HMCN2: variants seen among roughly 807,000 people sequenced by gnomAD.
HMCN2 encodes hemicentin-2.
In HMCN2, 325 loss-of-function variants were observed where a neutral mutation model predicts 377.5. The ratio of observed to expected loss-of-function variants is 0.86; its 90% CI spans 0.79 to 0.94. HMCN2 has a LOEUF of 0.94. Ranked by LOEUF, HMCN2 falls within the 40% of genes least tolerant of loss-of-function variation. The pLI is 0.00. For synonymous variants in HMCN2, 2,007 were observed against 2,046.8 expected (o/e 0.98, Z 0.53); for missense variants, 4,543 against 4,725.3 (o/e 0.96, Z 1.13).
chr9:130,329,595 A>G (rs1480964787), intron 22 of HMCN2, among the ~76,000 whole-genome samples: 1 of 152,088 alleles, frequency 6.6e-6, no homozygotes. Context: ...GGCACCTGCC[A>G]TCATGCCCAG....
chr9:130,355,952 T>G, intron 33 of HMCN2, 98 bp downstream of exon 33: 1 of 931,476 alleles, frequency 1.1e-6, no homozygotes, highest in South Asian at 1.5e-5. Flanking sequence ...GCTTCCTGTT[T>G]CCAGGAGTAG....
At chr9:130,332,171 T>C (rs1252598100) in intron 22 of HMCN2, among the ~76,000 whole-genome samples, 11 of 152,168 alleles carry the variant, frequency 7.2e-5, no homozygotes, top group Non-Finnish European at 1.3e-4. Flanking sequence ...CTCAAAGCCC[T>C]TGTTGGTTTC....
intron 23 of HMCN2, among the ~76,000 whole-genome samples, chr9:130,340,351 G>C (rs1015621463): frequency 1.3e-5 from 2 of 152,228 alleles, no homozygotes; most frequent in Non-Finnish European, 2.9e-5. Context: ...TGATGAGGGG[G>C]AACTGAGGCT....
Position 130,317,798 on chromosome 9 carries a change from C to A in HMCN2, c.2351-1697C>A, listed in dbSNP as rs1440828189. 1.7e-4 allele frequency among the ~76,000 whole-genome samples: 5 copies of A among 29,212 alleles called. No individual in the cohort carries two copies. In the South Asian group the frequency reaches 3.8e-3, roughly 22 times the overall value. The allele number at this position is 29,212 out of a possible 152,430, so 19.2% of individuals were successfully genotyped here. A position where few individuals can be genotyped will look rare whatever the true frequency, so the allele number is the denominator to read the frequency against. The stretch of plus-strand genomic sequence containing the variant: ...GAGACTCTGTCTCAAAACAAACAAA[C>A]AAAAAAAACACAAACAAACCAGAGT... On this transcript the variant is annotated intron_variant, in intron 15 of 97. Coordinates refer to ENST00000683500, the MANE Select transcript of HMCN2 (RefSeq NM_001291815.2).
chr9:130,425,693 G>C lies in HMCN2; in HGVS notation c.13648G>C (p.Glu4550Gln). 7.7e-7 allele frequency: 1 copy of C among 1,302,778 alleles called. No homozygotes were observed. Among genetic ancestry groups the C allele is most frequent in the Non-Finnish European group, 1.0e-6 (1 of 983,564 alleles). The allele number at this position is 1,302,778 out of a possible 1,614,324, so 80.7% of individuals were successfully genotyped here. ...ADADLQVQDFEEHYVQTGPGQ... is the reference protein window; with the variant it reads ...ADADLQVQDFQEHYVQTGPGQ... ...CCTCCTCTTCATCCTGCAGGACTTT[G>C]AGGAGCACTACGTGCAAACAGGGCC... Residue 4550 changes from glutamate (E) to glutamine (Q), a missense_variant, in exon 90 of 98, where the codon GAG becomes CAG. This residue lies in a region of HMCN2 where 1,155 missense variants were observed against 1,157.7 expected (regional missense o/e 1.00). Coordinates refer to ENST00000683500, the MANE Select transcript of HMCN2 (RefSeq NM_001291815.2).
At position 130,348,997 on chromosome 9, in the gene HMCN2, G is replaced by A. The variant is rs1304449383; in HGVS notation, c.4169G>A (p.Gly1390Asp). ...TCTCCTACCCAGATTCCTAAGGTGGGCGGCCACCGCCTCCTGGACGAGGGC... is the reference window on the plus strand; with the variant it reads ...TCTCCTACCCAGATTCCTAAGGTGGACGGCCACCGCCTCCTGGACGAGGGC... ...LKDAQLIPKV[G>D]GHRLLDEGQS... The change falls in exon 28 of 98, where the codon GGC becomes GAC. Residue 1390 changes from glycine (G) to aspartate (D), a missense_variant. By Grantham distance (94) the Gly-to-Asp change is moderately conservative. Coordinates refer to ENST00000683500, the MANE Select transcript of HMCN2 (RefSeq NM_001291815.2). 2.3e-6 allele frequency: 3 copies of A among 1,304,088 alleles called. No homozygotes were observed. The highest frequency in any genetic ancestry group is 3.0e-6 in the Non-Finnish European group (3 of 988,906). 80.8% of individuals were successfully genotyped at this position (1,304,088 alleles called of 1,614,324 possible).
chr9:130,363,928 G>C (rs1199741884), intron 40 of HMCN2, among the ~76,000 whole-genome samples: 1 of 144,752 alleles, frequency 6.9e-6, no homozygotes, highest in Non-Finnish European at 1.5e-5. Flanking sequence ...AAAGGAAAAA[G>C]AGAAGGAAGG....
chr9:130,364,763 T>C lies in HMCN2; in HGVS notation c.6282T>C (p.Asn2094=). The change falls in exon 41 of 98, where the codon AAT becomes AAC. Residue 2094 remains asparagine (N), a synonymous_variant. Coordinates refer to ENST00000683500, the MANE Select transcript of HMCN2 (RefSeq NM_001291815.2). ...AGCTGAATGTGTCCGTTGTGGCCAA[T>C]GAGTCAGTGGCCCTGGAGTGCCAGA... is the stretch of plus-strand genomic sequence containing the variant. ...GEELNVSVVA[N]ESVALECQSH... 1.0e-6 allele frequency: 1 copy of C among 985,916 alleles called. No homozygotes were observed. Among genetic ancestry groups the C allele is most frequent in the Non-Finnish European group, 1.2e-6 (1 of 830,002 alleles). The allele number at this position is 985,916 out of a possible 1,614,324, so 61.1% of individuals were successfully genotyped here. A position where few individuals can be genotyped will look rare whatever the true frequency, so the allele number is the denominator to read the frequency against.
chr9:130,383,527 C>A lies in HMCN2; in HGVS notation c.8757C>A (p.Asp2919Glu). 1.0e-5 allele frequency: 10 copies of A among 986,088 alleles called. No homozygotes were observed. The highest frequency in any genetic ancestry group is 1.2e-5 in the Non-Finnish European group (10 of 830,114). 61.1% of individuals were successfully genotyped at this position (986,088 alleles called of 1,614,324 possible). ...AGGTTTCCACGGCAGAGGTGGCCGA[C>A]GCCGCCAGCTACATGTGTGTGGCCG... ...VLQVSTAEVADAASYMCVAEN... is the reference protein window; with the variant it reads ...VLQVSTAEVAEAASYMCVAEN... Residue 2919 changes from aspartate to glutamate, a missense_variant, in exon 57 of 98, where the codon GAC (aspartate) becomes GAA (glutamate). Around this residue, in one of 5 missense-constraint regions of HMCN2, gnomAD observed 736 missense variants for 773.2 expected, o/e 0.95. Coordinates refer to ENST00000683500, the MANE Select transcript of HMCN2 (RefSeq NM_001291815.2).
rs1346801994 is a variant in HMCN2 at position 130,351,963 on chromosome 9, C to G, written c.4585+386C>G. On this transcript the variant is annotated intron_variant, in intron 30 of 97. Coordinates refer to ENST00000683500, the MANE Select transcript of HMCN2 (RefSeq NM_001291815.2). This position sits in a 1 kb window ranked among gnomAD's most constrained non-coding sequence, Gnocchi z 5.4. The stretch of plus-strand genomic sequence containing the variant: ...AGTAGCTGGGATTACAGGTGCCCAC[C>G]ACCACACCCAGTTCATTTTTGTATT... Among the ~76,000 whole-genome samples, 2 of 152,070 alleles carry G rather than the reference C, an allele frequency of 1.3e-5. No individual in the cohort carries two copies. Among genetic ancestry groups the G allele is most frequent in the Non-Finnish European group, 2.9e-5 (2 of 68,028 alleles).
In HMCN2 at chr9:130,265,904, G is replaced by A. The variant is rs953553842; in HGVS notation, c.26G>A (p.Arg9Gln). Reference sequence around the variant, plus strand: ...ATGATGCCCGGGGCGCCGCTCCTGCGGCTGCTGACCGCGGTCTCTGCGGCA... The same window carrying A: ...ATGATGCCCGGGGCGCCGCTCCTGCAGCTGCTGACCGCGGTCTCTGCGGCA... MMPGAPLL[R>Q]LLTAVSAAVA... is the part of the protein sequence containing the mutation. The change falls in exon 1 of 98, where the codon CGG becomes CAG. Residue 9 changes from arginine to glutamine, a missense_variant. Physicochemically the swap from Arg to Gln is conservative, Grantham distance 43 (BLOSUM62 1). This residue lies in a region of HMCN2 where 547 missense variants were observed against 189.9 expected (regional missense o/e 2.88). Coordinates refer to ENST00000683500, the MANE Select transcript of HMCN2 (RefSeq NM_001291815.2). 1.6e-5 allele frequency: 6 copies of A among 375,078 alleles called. No homozygotes were observed. Among genetic ancestry groups the A allele is most frequent in the African/African-American group, 2.2e-5 (1 of 44,554 alleles). 23.2% of individuals were successfully genotyped at this position (375,078 alleles called of 1,614,324 possible).
rs1203419496 is a variant in HMCN2 at position 130,372,381 on chromosome 9, G to A, written c.7325G>A (p.Arg2442Gln). The change falls in exon 47 of 98, where the codon CGG (arginine) becomes CAG (glutamine). Residue 2442 changes from arginine (R) to glutamine (Q), a missense_variant. By Grantham distance (43) the Arg-to-Gln change is conservative. This residue lies in a region of HMCN2 where 1,032 missense variants were observed against 1,285.1 expected (regional missense o/e 0.80). Transcript: ENST00000683500. Reference sequence around the variant, plus strand: ...GCAAGCAACGAGGCTGGGGAGGCACGGAGGAACTTCAGTGTGGAGGTGCTG... The same window carrying A: ...GCAAGCAACGAGGCTGGGGAGGCACAGAGGAACTTCAGTGTGGAGGTGCTG... Reference protein sequence around the residue: ...CLASNEAGEARRNFSVEVLVP... With the variant: ...CLASNEAGEAQRNFSVEVLVP... The A allele has an allele frequency of 8.1e-6, 8 of 985,662 alleles. No homozygotes were observed. Among genetic ancestry groups the A allele is most frequent in the South Asian group, 4.7e-5 (1 of 21,282 alleles). 61.1% of individuals were successfully genotyped at this position (985,662 alleles called of 1,614,324 possible). A position where few individuals can be genotyped will look rare whatever the true frequency, so the allele number is the denominator to read the frequency against.
chr9:130,346,983 G>A (rs1369340801), intron 25 of HMCN2, among the ~76,000 whole-genome samples, 183 bp from the exon 26 acceptor site: 3 of 152,154 alleles, frequency 2.0e-5, no homozygotes, highest in Non-Finnish European at 4.4e-5. Context: ...GGTAGGTGGC[G>A]GGTGTGGGGG....
At chr9:130,419,244 T>A (rs1052680032) in intron 86 of HMCN2, 8 of 472,142 alleles carry the variant, frequency 1.7e-5, no homozygotes, top group Admixed American at 3.8e-5. Flanking sequence ...TGTTTGCTGC[T>A]CATCTTGGAC....
chr9:130,422,564 C>T lies in HMCN2; in HGVS notation c.13232-13C>T, dbSNP rs749187078. 248 of 1,316,190 alleles carry T rather than the reference C, an allele frequency of 1.9e-4. No individual in the cohort carries two copies. In the Middle Eastern group the frequency reaches 2.2e-3, roughly 12 times the overall value. 81.5% of individuals were successfully genotyped at this position (1,316,190 alleles called of 1,614,324 possible). A position where few individuals can be genotyped will look rare whatever the true frequency, so the allele number is the denominator to read the frequency against. ...ATAGTCAGTGGCACTGTCATTCTTT[C>T]CCTTCCTTACAGGGGAGCCCCAGGG... On this transcript the variant is annotated splice_polypyrimidine_tract_variant and intron_variant, in intron 86 of 97. Transcript: ENST00000683500. The surrounding 1 kb of genome is among the most constrained non-coding windows in gnomAD (Gnocchi z 4.2).
chr9:130,411,966 C>G (rs1843444398), intron 85 of HMCN2, among the ~76,000 whole-genome samples: 1 of 151,962 alleles, frequency 6.6e-6, no homozygotes, highest in Non-Finnish European at 1.5e-5. Flanking sequence ...TTTTTTACAA[C>G]TATTATTGTT....
intron 15 of HMCN2, among the ~76,000 whole-genome samples, chr9:130,318,399 G>A (rs901492018): frequency 6.6e-6 from 1 of 152,216 alleles, no homozygotes; most frequent in Admixed American, 6.5e-5. Flanking sequence ...AAGGACCTGA[G>A]GATGGTGCCC....
rs991230552 is a variant in HMCN2, at chr9:130,432,436, C to T, written c.14775C>T (p.Asn4925=). The T allele has an allele frequency of 5.2e-6, 8 of 1,550,998 alleles. No individual in the cohort carries two copies. The East Asian group carries it at 7.3e-5, about 14-fold the overall frequency. The part of the protein sequence containing the change: ...LPSGKNCQDI[N]ECEEESIECG... ...ACCAACTTCCCCATCCAGACATCAA[C>T]GAGTGCGAGGAGGAGAGCATCGAGT... The change falls in exon 97 of 98, where the codon AAC becomes AAT. Residue 4925 remains asparagine (N), a synonymous_variant. Transcript: ENST00000683500.
chr9:130,410,534 C>T, intron 84 of HMCN2, 37 bp from the exon 85 acceptor site: 3 of 1,540,720 alleles, frequency 1.9e-6, no homozygotes, highest in Non-Finnish European at 2.6e-6. Context: ...ATCTTCTTCT[C>T]TGAGCACCAT....
Sources: allele counts gnomAD v4.1 joint callset (sites outside exome capture counted in the v4.1 genomes callset), GRCh38; gene constraint gnomAD v4.1.1; regional missense constraint gnomAD v4.1.1; non-coding constraint Gnocchi (gnomAD v3.1); transcripts MANE v1.5; gene names NCBI Gene and HGNC (gene_info 2026-07-23, HGNC 2026-07-21).